Variants in PDE3A observed in about 807,000 individuals in gnomAD.
PDE3A encodes phosphodiesterase 3A.
A neutral mutation model predicts 98.3 loss-of-function variants in PDE3A; 43 were observed. That is an observed-to-expected ratio of 0.44 (90% confidence interval 0.34 to 0.56). PDE3A has a LOEUF of 0.56. Ranked by LOEUF, PDE3A falls within the 20% of genes least tolerant of loss-of-function variation. The pLI is 0.01. For missense variants in PDE3A, 1,427 were observed against 1,440.7 expected (o/e 0.99, Z 0.15); for synonymous variants, 663 against 567.9 (o/e 1.17, Z -2.38).
intron 1 of PDE3A, among the ~76,000 whole-genome samples, chr12:20,524,716 A>G (rs984132742): frequency 1.3e-5 from 2 of 152,162 alleles, no homozygotes; most frequent in Admixed American, 1.3e-4. Flanking sequence ...ACACACAGGC[A>G]TCAACCATTG....
intron 1 of PDE3A, among the ~76,000 whole-genome samples, chr12:20,462,345 G>C (rs892961096): frequency 2.0e-5 from 3 of 152,092 alleles, no homozygotes; most frequent in Non-Finnish European, 4.4e-5. Flanking sequence ...ATGAAAATCA[G>C]CTGGGCCTGG....
chr12:20,663,940 A>T (rs1424177083), intron 15 of PDE3A, among the ~76,000 whole-genome samples: 1 of 152,202 alleles, frequency 6.6e-6, no homozygotes, highest in African/African-American at 2.4e-5. Flanking sequence ...TGTAGTTTAC[A>T]TAATCTCCAT....
chr12:20,374,883 G>A (rs893115397), intron 1 of PDE3A, among the ~76,000 whole-genome samples: 1 of 151,982 alleles, frequency 6.6e-6, no homozygotes, highest in South Asian at 2.1e-4. Flanking sequence ...TTTTGAGAAA[G>A]AGTTATTGTT....
intron 7 of PDE3A, among the ~76,000 whole-genome samples, chr12:20,634,350 G>T (rs1399818072): frequency 6.6e-6 from 1 of 152,092 alleles, no homozygotes. Context: ...TTTACTGATT[G>T]GTCTTTTAGT....
chr12:20,667,759 T>C (rs1395073139), intron 15 of PDE3A, among the ~76,000 whole-genome samples: 3 of 152,196 alleles, frequency 2.0e-5, no homozygotes, highest in Non-Finnish European at 4.4e-5. Flanking sequence ...AAGCTCTTTT[T>C]TGGTTCCATA....
chr12:20,642,075 A>G (rs1944658407), intron 10 of PDE3A, among the ~76,000 whole-genome samples: 1 of 152,142 alleles, frequency 6.6e-6, no homozygotes, highest in African/African-American at 2.4e-5. Flanking sequence ...ATTTTGGACT[A>G]TATTTCTAAT....
intron 1 of PDE3A, among the ~76,000 whole-genome samples, chr12:20,461,392 T>C (rs1945248354): frequency 6.6e-6 from 1 of 152,108 alleles, no homozygotes; most frequent in South Asian, 2.1e-4. Flanking sequence ...TAAATCCAAT[T>C]GGAAACAAAA....
At chr12:20,549,568 C>T (rs1428493471) in intron 1 of PDE3A, among the ~76,000 whole-genome samples, 8 of 151,984 alleles carry the variant, frequency 5.3e-5, no homozygotes, top group Non-Finnish European at 1.0e-4. Flanking sequence ...TAGAACATTA[C>T]AGTATCTCAT....
rs1200465851 is a variant in PDE3A at position 20,385,983 on chromosome 12, T to TAATATATATAAAATATATATA, written c.960+15740_960+15760dup. On this transcript the variant is annotated intron_variant, in intron 1 of 15. Transcript: ENST00000359062. Reference sequence around the variant, plus strand: ...ATTAATTATATTAATTATTAATATATAATATATATAAAATATATATATAAA... The same window carrying TAATATATATAAAATATATATA: ...ATTAATTATATTAATTATTAATATATAATATATATAAAATATATATAAATATATATAAAATATATATATAAA... Among the ~76,000 whole-genome samples, 44 of 69,896 alleles carry TAATATATATAAAATATATATA rather than the reference T, an allele frequency of 6.3e-4. 1 individual carries two copies. In the East Asian group the frequency reaches 9.7e-3, roughly 15 times the overall value. The allele number at this position is 69,896 out of a possible 152,430, so 45.9% of individuals were successfully genotyped here.
chr12:20,468,010 G>C (rs944776484), intron 1 of PDE3A, among the ~76,000 whole-genome samples: 4 of 106,064 alleles, frequency 3.8e-5, no homozygotes, highest in African/African-American at 1.4e-4. Context: ...AACGTTTCTT[G>C]AAACACTTAT....
At chr12:20,424,117 A>C (rs1316391362) in intron 1 of PDE3A, among the ~76,000 whole-genome samples, 1 of 152,164 alleles carries the variant, frequency 6.6e-6, no homozygotes, top group Non-Finnish European at 1.5e-5. Context: ...AAAAAAATAC[A>C]TATTGCGAAA....
chr12:20,559,236 G>A (rs1027301475), intron 2 of PDE3A, among the ~76,000 whole-genome samples: 4 of 152,056 alleles, frequency 2.6e-5, no homozygotes, highest in Non-Finnish European at 5.9e-5. Flanking sequence ...ATGCTGCACA[G>A]ATTTGTAGCC....
At chr12:20,570,260 T>C (rs1365480740) in intron 2 of PDE3A, among the ~76,000 whole-genome samples, 1 of 151,498 alleles carries the variant, frequency 6.6e-6, no homozygotes, top group Admixed American at 6.6e-5. Flanking sequence ...TACAAAAAAT[T>C]AACTGAATGT....
At chr12:20,518,210 T>C (rs74548985) in intron 1 of PDE3A, among the ~76,000 whole-genome samples, 1,583 of 152,292 alleles carry the variant, frequency 0.01, 34 homozygotes, top group African/African-American at 0.036. Flanking sequence ...GACTGCTTTA[T>C]AAAGAGAGAT....
intron 1 of PDE3A, among the ~76,000 whole-genome samples, chr12:20,437,284 G>T (rs1944793660): frequency 6.6e-6 from 1 of 152,190 alleles, no homozygotes; most frequent in Admixed American, 6.5e-5. Flanking sequence ...TTGGGAACCT[G>T]TGTTGCATCA....
intron 1 of PDE3A, among the ~76,000 whole-genome samples, chr12:20,468,916 T>G (rs770955943): frequency 3.9e-5 from 6 of 152,304 alleles, no homozygotes; most frequent in Middle Eastern, 3.4e-3. Flanking sequence ...GTAGCTTATT[T>G]TGCAAACTGT....
At chr12:20,476,318 C>T (rs1945530360) in intron 1 of PDE3A, among the ~76,000 whole-genome samples, 1 of 152,094 alleles carries the variant, frequency 6.6e-6, no homozygotes, top group South Asian at 2.1e-4. Context: ...AAAAAGGAGA[C>T]ATCAGATATT....
intron 2 of PDE3A, among the ~76,000 whole-genome samples, chr12:20,564,867 C>T (rs2121294674): frequency 6.6e-6 from 1 of 152,228 alleles, no homozygotes; most frequent in Middle Eastern, 3.4e-3. Context: ...GACATGGGCA[C>T]TACCTTGTGT....
intron 15 of PDE3A, among the ~76,000 whole-genome samples, chr12:20,677,764 G>A (rs1368545647): frequency 6.6e-6 from 1 of 151,944 alleles, no homozygotes; most frequent in Non-Finnish European, 1.5e-5. Context: ...CTTTTGTCAG[G>A]GAAACTTTTT....
Sources: gnomAD v4.1 joint callset for allele counts (sites outside exome capture counted in the v4.1 genomes callset) on GRCh38, gnomAD v4.1.1 for gene constraint, MANE v1.5 for transcripts, NCBI Gene and HGNC (gene_info 2026-07-23, HGNC 2026-07-21) for gene names.